Variants in NME7 observed in about 807,000 individuals in gnomAD.
NME7 encodes the protein nucleoside diphosphate kinase 7.
In NME7, 41 loss-of-function variants were observed where a neutral mutation model predicts 49.1. The ratio of observed to expected loss-of-function variants is 0.83; its 90% CI spans 0.65 to 1.08. NME7 has a LOEUF of 1.08. Ranked by LOEUF, NME7 falls within the 50% of genes least tolerant of loss-of-function variation. The pLI is 0.00. For synonymous variants in NME7, 139 were observed against 150.6 expected, an observed-to-expected ratio of 0.92 and a Z score of 0.56; for missense variants, 423 against 463.4, an observed-to-expected ratio of 0.91 and a Z score of 0.80.
intron 6 of NME7, among the ~76,000 whole-genome samples, chr1:169,295,420 T>C (rs1650672022): frequency 6.6e-6 from 1 of 152,188 alleles, no homozygotes; most frequent in South Asian, 2.1e-4. Context: ...GTAGTGACTT[T>C]CAGTTCAGCC....
chr1:169,349,461 T>C (rs577584370), intron 1 of NME7, among the ~76,000 whole-genome samples: 5 of 152,344 alleles, frequency 3.3e-5, no homozygotes, highest in African/African-American at 1.2e-4. Context: ...TGACATTCAG[T>C]GAATTCTCTT....
chr1:169,265,891 T>G (rs1649303355), intron 7 of NME7, among the ~76,000 whole-genome samples: 1 of 132,502 alleles, frequency 7.5e-6, no homozygotes, highest in Admixed American at 7.4e-5. Flanking sequence ...CCTGGACATG[T>G]ACATCCTCCC....
intron 1 of NME7, among the ~76,000 whole-genome samples, chr1:169,357,121 T>A (rs1483151958): frequency 6.6e-6 from 1 of 152,024 alleles, no homozygotes; most frequent in African/African-American, 2.4e-5. Context: ...TATAATAATA[T>A]CCCTATAAGG....
At chr1:169,171,177 T>G (rs34250651) in intron 10 of NME7, among the ~76,000 whole-genome samples, 1 of 151,754 alleles carries the variant, frequency 6.6e-6, no homozygotes, top group African/African-American at 2.4e-5. Context: ...AGAGCAGCCT[T>G]GGCAACACAG....
chr1:169,228,107 C>T (rs1277469834), intron 10 of NME7, among the ~76,000 whole-genome samples: 1 of 151,752 alleles, frequency 6.6e-6, no homozygotes, highest in Non-Finnish European at 1.5e-5. Flanking sequence ...TAGGGTCTCA[C>T]TATATTGCCA....
intron 11 of NME7, among the ~76,000 whole-genome samples, chr1:169,145,896 G>C (rs12084793): frequency 7.9e-5 from 12 of 152,004 alleles, no homozygotes; most frequent in Non-Finnish European, 1.3e-4. Flanking sequence ...AGTATAGTGG[G>C]CCTGAAGAAG....
rs1487248669 is a variant in NME7 at position 169,298,729 on chromosome 1, T to A, written c.475A>T (p.Ile159Phe). Reference sequence around the variant, plus strand: ...TCATCTCTTAAAATCTCCATGGCAATAATAGGACCAGTTGTAATAAACTGG... The same window carrying A: ...TCATCTCTTAAAATCTCCATGGCAAAAATAGGACCAGTTGTAATAAACTGG... ...LIQFITTGPIIAMEILRDDAI... is the reference protein window; with the variant it reads ...LIQFITTGPIFAMEILRDDAI... Residue 159 changes from isoleucine (I) to phenylalanine (F), a missense_variant, in exon 6 of 12, where the codon ATT (isoleucine) becomes TTT (phenylalanine). Ile to Phe is a conservative substitution (Grantham distance 21). Transcript: ENST00000367811. 8 of 1,613,622 alleles carry A rather than the reference T, an allele frequency of 5.0e-6. No homozygotes were observed. The highest frequency in any genetic ancestry group is 6.8e-6 in the Non-Finnish European group (8 of 1,179,804).
At chr1:169,342,135 C>T (rs984096037) in intron 1 of NME7, among the ~76,000 whole-genome samples, 2 of 152,044 alleles carry the variant, frequency 1.3e-5, no homozygotes, top group Admixed American at 6.5e-5. Context: ...AATCTCATTT[C>T]GAATTGTAAT....
In NME7 at chr1:169,309,919, T is replaced by G. The variant is rs1651318440; in HGVS notation, c.389+51A>C. The G allele has an allele frequency of 3.8e-6, 4 of 1,060,290 alleles. No individual in the cohort carries two copies. The East Asian group carries it at 7.6e-5, about 20-fold the overall frequency. The allele number at this position is 1,060,290 out of a possible 1,614,324, so 65.7% of individuals were successfully genotyped here. A position where few individuals can be genotyped will look rare whatever the true frequency, so the allele number is the denominator to read the frequency against. On this transcript the variant is annotated intron_variant, in intron 4 of 11. Coordinates refer to ENST00000367811, the MANE Select transcript of NME7 (RefSeq NM_013330.5). ...AATGACAAGAAAGACAGAAAATGATTTTTTAAAAAGGAATCAGACATTACA... is the reference window on the plus strand; with the variant it reads ...AATGACAAGAAAGACAGAAAATGATGTTTTAAAAAGGAATCAGACATTACA...
intron 5 of NME7, among the ~76,000 whole-genome samples, chr1:169,301,775 G>A (rs1224593859): frequency 6.6e-6 from 1 of 152,058 alleles, no homozygotes; most frequent in Non-Finnish European, 1.5e-5. Context: ...GCAATAATAT[G>A]GACACAATTG....
intron 3 of NME7, among the ~76,000 whole-genome samples, chr1:169,312,698 T>G (rs561971423): frequency 6.6e-6 from 1 of 152,226 alleles, no homozygotes; most frequent in South Asian, 2.1e-4. Context: ...GCAAATATAT[T>G]TCTGAGAAAG....
Position 169,254,414 on chromosome 1 carries a change from C to T in NME7, c.755-16727G>A, listed in dbSNP as rs575686473. 4.3e-3 allele frequency among the ~76,000 whole-genome samples: 659 copies of T among 152,020 alleles called. 5 individuals carry two copies. The highest frequency in any genetic ancestry group is 0.015 in the African/African-American group (618 of 41,480). On this transcript the variant is annotated intron_variant, in intron 7 of 11. Coordinates refer to ENST00000367811, the MANE Select transcript of NME7 (RefSeq NM_013330.5). ...TCTGTGGGATTGGTGGTGATATCCC[C>T]TTTATCAGTTTTTATTGCGTCTATT...
chr1:169,253,661 C>T lies in NME7; in HGVS notation c.755-15974G>A, dbSNP rs1165522735. Among the ~76,000 whole-genome samples the T allele has an allele frequency of 3.9e-5, 6 of 152,292 alleles. No homozygotes were observed. In the East Asian group the frequency reaches 9.6e-4, roughly 24 times the overall value. On this transcript the variant is annotated intron_variant, in intron 7 of 11. Coordinates refer to ENST00000367811, the MANE Select transcript of NME7 (RefSeq NM_013330.5). ...GTGCCAGTTTTCAAACGGAATGCTT[C>T]TAGTTTTTGCCCATTCAGTATGATA...
At chr1:169,282,913 G>A (rs989588305) in intron 7 of NME7, among the ~76,000 whole-genome samples, 1 of 152,178 alleles carries the variant, frequency 6.6e-6, no homozygotes, top group Non-Finnish European at 1.5e-5. Flanking sequence ...TGAGAAGAAT[G>A]TATATTCTGT....
intron 3 of NME7, among the ~76,000 whole-genome samples, chr1:169,312,511 TA>T (rs1394072192): frequency 1.3e-5 from 2 of 152,172 alleles, no homozygotes; most frequent in Non-Finnish European, 2.9e-5. Context: ...CAAAACATTA[TA>T]AAAACCACTA....
chr1:169,268,217 G>A lies in NME7; in HGVS notation c.754+19086C>T, dbSNP rs577184487. ...CAATATCACTGATCATTAGAGAAATGCAAATCAAAACCACAGTGAGATACC... is the reference window on the plus strand; with the variant it reads ...CAATATCACTGATCATTAGAGAAATACAAATCAAAACCACAGTGAGATACC... On this transcript the variant is annotated intron_variant, in intron 7 of 11. Transcript: ENST00000367811. 2.6e-4 allele frequency among the ~76,000 whole-genome samples: 35 copies of A among 133,866 alleles called. 1 individual carries two copies. Among genetic ancestry groups the A allele is most frequent in the African/African-American group, 8.3e-4 (33 of 39,614 alleles). 87.8% of individuals were successfully genotyped at this position (133,866 alleles called of 152,430 possible). A position where few individuals can be genotyped will look rare whatever the true frequency, so the allele number is the denominator to read the frequency against.
In NME7 at chr1:169,200,938, C is replaced by T. The variant is rs115299890; in HGVS notation, c.990+29780G>A. ...ATGATAATAAAACTGACATTATAAACAAAGATTCAAGCCTGGGTGCCATGG... is the reference window on the plus strand; with the variant it reads ...ATGATAATAAAACTGACATTATAAATAAAGATTCAAGCCTGGGTGCCATGG... On this transcript the variant is annotated intron_variant, in intron 10 of 11. Coordinates refer to ENST00000367811, the MANE Select transcript of NME7 (RefSeq NM_013330.5). Among the ~76,000 whole-genome samples, 303 of 152,220 alleles carry T rather than the reference C, an allele frequency of 2.0e-3. 4 individuals carry two copies. The highest frequency in any genetic ancestry group is 7.1e-3 in the African/African-American group (294 of 41,556).
chr1:169,240,693 GA>G (rs1648052626), intron 7 of NME7, among the ~76,000 whole-genome samples: 1 of 151,336 alleles, frequency 6.6e-6, no homozygotes, highest in Non-Finnish European at 1.5e-5. Context: ...GAGTTATGCA[GA>G]TTTTCCAAAT....
chr1:169,339,169 C>A (rs1360309813), intron 1 of NME7, among the ~76,000 whole-genome samples: 3 of 152,158 alleles, frequency 2.0e-5, no homozygotes, highest in Admixed American at 2.0e-4. Context: ...ATTCAAAAAA[C>A]TCCCCCCCAA....
Sources: gnomAD v4.1 joint callset for allele counts (sites outside exome capture counted in the v4.1 genomes callset) on GRCh38, gnomAD v4.1.1 for gene constraint, MANE v1.5 for transcripts, NCBI Gene and HGNC (gene_info 2026-07-23, HGNC 2026-07-21) for gene names.